The following RYR3 variants were observed in gnomAD, a reference collection of about 807,000 sequenced individuals.
RYR3 encodes brain ryanodine receptor-calcium release channel.
Under a neutral mutation model 584.3 loss-of-function variants are expected in RYR3, and 207 were observed. The observed-to-expected ratio is 0.35, with a 90% CI of 0.32 to 0.40. The LOEUF (loss-of-function observed/expected upper bound fraction) is 0.40. Ranked by LOEUF, RYR3 falls within the 10% of genes least tolerant of loss-of-function variation. RYR3 has a pLI of 1.00. For missense variants in RYR3, 5,616 were observed against 6,089.2 expected (o/e 0.92, Z 2.59); for synonymous variants, 2,416 against 2,248.5 (o/e 1.07, Z -2.11).
chr15:33,365,113 G>T (rs1975306372), intron 1 of RYR3, among the ~76,000 whole-genome samples: 1 of 152,190 alleles, frequency 6.6e-6, no homozygotes, highest in African/African-American at 2.4e-5. Context: ...GCTGATGCCT[G>T]TGAAAAATAA....
intron 69 of RYR3, among the ~76,000 whole-genome samples, chr15:33,804,528 T>C (rs2076081872): frequency 6.6e-6 from 1 of 152,242 alleles, no homozygotes; most frequent in Non-Finnish European, 1.5e-5. Context: ...TTCTCCCAGC[T>C]CTACTAAGAT....
At chr15:33,770,046 C>A (rs2073439653) in intron 62 of RYR3, among the ~76,000 whole-genome samples, 1 of 151,618 alleles carries the variant, frequency 6.6e-6, no homozygotes, top group African/African-American at 2.4e-5. Flanking sequence ...GAGCCGGGCA[C>A]CATGATTTCT....
chr15:33,854,028 CTAATAA>C (rs919013100), intron 96 of RYR3, among the ~76,000 whole-genome samples: 1 of 151,994 alleles, frequency 6.6e-6, no homozygotes, highest in Non-Finnish European at 1.5e-5. Flanking sequence ...CCCGTCTCTA[CTAATAA>C]TATTTTTAAA....
intron 48 of RYR3, among the ~76,000 whole-genome samples, chr15:33,735,704 G>T (rs1217897986): frequency 2.0e-5 from 3 of 152,132 alleles, no homozygotes; most frequent in Non-Finnish European, 4.4e-5. Flanking sequence ...TACTGTGTTT[G>T]CCTATTAACG....
intron 1 of RYR3, among the ~76,000 whole-genome samples, chr15:33,313,666 T>C (rs1967672934): frequency 6.6e-6 from 1 of 152,200 alleles, no homozygotes; most frequent in Non-Finnish European, 1.5e-5. Flanking sequence ...AAAAGCATTT[T>C]GGCAGTGTAT....
chr15:33,618,590 G>A (rs552812603), intron 19 of RYR3, among the ~76,000 whole-genome samples: 6 of 152,276 alleles, frequency 3.9e-5, no homozygotes, highest in South Asian at 2.1e-4. Context: ...CGTGACTTAC[G>A]AGTCAAATTC....
intron 1 of RYR3, among the ~76,000 whole-genome samples, chr15:33,359,249 C>T (rs1974404972): frequency 6.6e-6 from 1 of 152,164 alleles, no homozygotes; most frequent in South Asian, 2.1e-4. Context: ...AGAAAAAATA[C>T]AACAATAACA....
rs775956290 is a variant in RYR3 at position 33,837,728 on chromosome 15, C to G, written c.11748C>G (p.Phe3916Leu). The change falls in exon 89 of 104, where the codon TTC (phenylalanine) becomes TTG (leucine). Residue 3916 changes from phenylalanine (F) to leucine (L), a missense_variant. Around this residue, in one of 9 missense-constraint regions of RYR3, gnomAD observed 258 missense variants for 297.3 expected, o/e 0.87. Transcript: ENST00000634891. Reference sequence around the variant, plus strand: ...TGATCTTGAAATTCTTTGACATGTTCTTGAAACTTAAAGACTTAACCAGCT... The same window carrying G: ...TGATCTTGAAATTCTTTGACATGTTGTTGAAACTTAAAGACTTAACCAGCT... Reference protein sequence around the residue: ...VEMILKFFDMFLKLKDLTSSD... With the variant: ...VEMILKFFDMLLKLKDLTSSD... 9.6e-5 allele frequency: 155 copies of G among 1,612,942 alleles called. No individual in the cohort carries two copies. Among genetic ancestry groups the G allele is most frequent in the Non-Finnish European group, 1.2e-4 (147 of 1,179,444 alleles).
intron 64 of RYR3, among the ~76,000 whole-genome samples, chr15:33,777,860 G>T (rs2074108053): frequency 6.6e-6 from 1 of 152,016 alleles, no homozygotes; most frequent in African/African-American, 2.4e-5. Flanking sequence ...TGTCTCCTAG[G>T]TTCATCTCTG....
intron 39 of RYR3, among the ~76,000 whole-genome samples, chr15:33,696,828 C>T (rs975721916): frequency 6.6e-6 from 1 of 152,204 alleles, no homozygotes; most frequent in Admixed American, 6.5e-5. Flanking sequence ...GAGCTTTTGA[C>T]TCGAAATCTT....
Position 33,865,501 on chromosome 15 carries a change from G to C in RYR3, c.*275G>C, listed in dbSNP as rs1447115957. ...ATGCCTTCAAGTTTTCCAGTTCTGA[G>C]GTAACTAGTTCAGTTTGTTGGGATG... On this transcript the variant is annotated 3_prime_UTR_variant, in exon 104 of 104. Coordinates refer to ENST00000634891, the MANE Select transcript of RYR3 (RefSeq NM_001036.6). The C allele has an allele frequency of 7.8e-6, 3 of 384,406 alleles. No homozygotes were observed. The Admixed American group carries it at 1.3e-4, about 16-fold the overall frequency. 23.8% of individuals were successfully genotyped at this position (384,406 alleles called of 1,614,324 possible).
rs142682522 is a variant in RYR3, at chr15:33,369,707, A to G, written c.51+58611A>G. On this transcript the variant is annotated intron_variant, in intron 1 of 103. Coordinates refer to ENST00000634891, the MANE Select transcript of RYR3 (RefSeq NM_001036.6). ...GACTTTAAAGGAAGATACCATGTCC[A>G]TTTTTTTCTGAATATGAGACACCCA... 1.9e-4 allele frequency among the ~76,000 whole-genome samples: 29 copies of G among 152,190 alleles called. No homozygotes were observed. In the East Asian group the frequency reaches 4.8e-3, roughly 25 times the overall value.
At chr15:33,854,250 G>T in intron 96 of RYR3, 139 bp from the exon 97 acceptor site, 1 of 673,682 alleles carries the variant, frequency 1.5e-6, no homozygotes, top group Non-Finnish European at 2.6e-6. Flanking sequence ...GTCTCATGGG[G>T]AGCACATACA....
intron 67 of RYR3, among the ~76,000 whole-genome samples, chr15:33,791,039 T>C (rs1438504157): frequency 6.6e-6 from 1 of 152,198 alleles, no homozygotes; most frequent in African/African-American, 2.4e-5. Flanking sequence ...GTATTGAAGA[T>C]AAAAAGCCTC....
chr15:33,587,903 G>T (rs117790508), intron 16 of RYR3, among the ~76,000 whole-genome samples: 1 of 152,162 alleles, frequency 6.6e-6, no homozygotes, highest in African/African-American at 2.4e-5. Context: ...CTTCATCTTT[G>T]CTTGGAAAAT....
intron 48 of RYR3, among the ~76,000 whole-genome samples, chr15:33,732,970 C>G (rs1007019343): frequency 6.6e-6 from 1 of 152,024 alleles, no homozygotes; most frequent in African/African-American, 2.4e-5. Flanking sequence ...CTAGGGCTAC[C>G]TGGAAAAAAA....
chr15:33,457,086 C>A (rs12324601), intron 1 of RYR3, among the ~76,000 whole-genome samples: 66 of 152,160 alleles, frequency 4.3e-4, no homozygotes, highest in African/African-American at 1.5e-3. Context: ...TATTGTGTAA[C>A]TATGTTTTCC....
chr15:33,539,750 T>C (rs1313266594), intron 6 of RYR3, among the ~76,000 whole-genome samples: 2 of 151,858 alleles, frequency 1.3e-5, no homozygotes, highest in Non-Finnish European at 2.9e-5. Context: ...ATATTTTATA[T>C]GATATATGTA....
chr15:33,845,803 G>A (rs2078689977), intron 93 of RYR3, among the ~76,000 whole-genome samples: 1 of 152,198 alleles, frequency 6.6e-6, no homozygotes, highest in African/African-American at 2.4e-5. Flanking sequence ...CAAGATCTCA[G>A]AAGAAAGCTT....
Sources: gnomAD v4.1 joint callset for allele counts (sites outside exome capture counted in the v4.1 genomes callset) on GRCh38, gnomAD v4.1.1 for gene constraint, gnomAD v4.1.1 regional missense constraint, MANE v1.5 for transcripts, NCBI Gene and HGNC (gene_info 2026-07-23, HGNC 2026-07-21) for gene names.